Variants in SLC2A3 observed in about 807,000 individuals in gnomAD.
The protein encoded by SLC2A3 is solute carrier family 2, facilitated glucose transporter member 3.
In SLC2A3, 21 loss-of-function variants were observed where a neutral mutation model predicts 46.4. The observed-to-expected ratio is 0.45, with a 90% confidence interval of 0.32 to 0.65. The LOEUF (loss-of-function observed/expected upper bound fraction) is 0.65. SLC2A3 is among the 30% of genes least tolerant of loss of function. The pLI is 0.04. For synonymous variants in SLC2A3, 213 were observed against 239.4 expected (o/e 0.89, Z 1.02); for missense variants, 499 against 623.3 (o/e 0.80, Z 2.12).
Position 7,923,019 on chromosome 12 carries a change from G to A in SLC2A3, c.1074C>T (p.Asn358=), listed in dbSNP as rs751166424. Residue 358 remains asparagine (N), a synonymous_variant, in exon 9 of 10, where the codon AAC becomes AAT. Coordinates refer to ENST00000075120, the MANE Select transcript of SLC2A3 (RefSeq NM_006931.3). ...TACAGACAAAGCTCATCCCATTATA[G>A]TTATCCTGTAAGAGCAAGGAACAGA... ...LMTVSLLLKD[N]YNGMSFVCIG... is the part of the protein sequence containing the mutation. The A allele has an allele frequency of 6.2e-7, 1 of 1,612,902 alleles. No homozygotes were observed. The highest frequency in any genetic ancestry group is 8.5e-7 in the Non-Finnish European group (1 of 1,179,446).
chr12:7,933,630 T>G, intron 2 of SLC2A3, 180 bp downstream of exon 2: 1 of 617,746 alleles, frequency 1.6e-6, no homozygotes. Flanking sequence ...TCACTAACTG[T>G]GTTGCTCAGG....
intron 6 of SLC2A3, 150 bp from the exon 7 acceptor site, chr12:7,926,098 C>G: frequency 1.5e-6 from 1 of 652,076 alleles, no homozygotes; most frequent in Non-Finnish European, 2.7e-6. Context: ...AATGAATTAT[C>G]TTCTGTATCT....
In SLC2A3 at chr12:7,933,128, T is replaced by C; in HGVS notation, c.128A>G (p.Asn43Ser). Residue 43 changes from asparagine to serine, a missense_variant, in exon 3 of 10, where the codon AAT (asparagine) becomes AGT (serine). By Grantham distance (46) the Asn-to-Ser change is conservative. Around this residue, in one of 5 missense-constraint regions of SLC2A3, gnomAD observed 248 missense variants for 284.0 expected, o/e 0.87. Transcript: ENST00000075120. ...APEKIIKEFI[N>S]KTLTDKGNAP... ...ATTTCCCTTGTCCGTCAAAGTTTTA[T>C]TGATAAATTCCTTTATGATCTGCAA... 6.2e-7 allele frequency: 1 copy of C among 1,614,076 alleles called. No individual in the cohort carries two copies. The highest frequency in any genetic ancestry group is 1.3e-5 in the African/African-American group (1 of 75,016).
At position 7,923,122 on chromosome 12, in the gene SLC2A3, G is replaced by A; in HGVS notation, c.1069-98C>T. On this transcript the variant is annotated intron_variant, in intron 8 of 9. Coordinates refer to ENST00000075120, the MANE Select transcript of SLC2A3 (RefSeq NM_006931.3). ...TTAACGGCAAGCTCCTCCTGTCCCT[G>A]ACGTACAATACAAAGAGTGGCTGTG... 4 of 1,131,700 alleles carry A rather than the reference G, an allele frequency of 3.5e-6. No individual in the cohort carries two copies. The South Asian group carries it at 4.8e-5, about 13-fold the overall frequency. 70.1% of individuals were successfully genotyped at this position (1,131,700 alleles called of 1,614,324 possible).
intron 5 of SLC2A3, 106 bp from the exon 6 acceptor site, chr12:7,929,977 T>C (rs1239309053): frequency 1.8e-5 from 28 of 1,517,332 alleles, no homozygotes; most frequent in Non-Finnish European, 2.3e-5. Flanking sequence ...AGGTGATGGG[T>C]AGCATCCATT....
chr12:7,933,104 T>C lies in SLC2A3; in HGVS notation c.152A>G (p.Asn51Ser). 1 of 1,614,060 alleles carries C rather than the reference T, an allele frequency of 6.2e-7. No homozygotes were observed. The highest frequency in any genetic ancestry group is 8.5e-7 in the Non-Finnish European group (1 of 1,179,998). Residue 51 changes from asparagine (N) to serine (S), a missense_variant, in exon 3 of 10, where the codon AAT becomes AGT. This residue lies in a region of SLC2A3 where 248 missense variants were observed against 284.0 expected (regional missense o/e 0.87). Transcript: ENST00000075120. The stretch of plus-strand genomic sequence containing the variant: ...GAGCAGCACCTCAGAGGGTGGGGCA[T>C]TTCCCTTGTCCGTCAAAGTTTTATT... ...FINKTLTDKG[N>S]APPSEVLLTS...
intron 6 of SLC2A3, chr12:7,929,440 G>T: frequency 1.8e-6 from 1 of 551,432 alleles, no homozygotes; most frequent in Non-Finnish European, 3.0e-6. Context: ...AGTTGCCAGT[G>T]TCCTTCCAGG....
chr12:7,935,797 A>G (rs1025411336), intron 1 of SLC2A3, among the ~76,000 whole-genome samples: 1 of 152,116 alleles, frequency 6.6e-6, no homozygotes, highest in Admixed American at 6.5e-5. Context: ...AGAAGCAAAC[A>G]CAACTTCTCC....
intron 6 of SLC2A3, among the ~76,000 whole-genome samples, chr12:7,929,338 C>G (rs1470059409): frequency 2.0e-5 from 3 of 152,080 alleles, no homozygotes; most frequent in Admixed American, 1.3e-4. Flanking sequence ...TTGTGCCGCC[C>G]TCTTTAAACT....
chr12:7,926,640 A>G (rs1269791362), intron 6 of SLC2A3, among the ~76,000 whole-genome samples: 1 of 152,184 alleles, frequency 6.6e-6, no homozygotes, highest in Non-Finnish European at 1.5e-5. Context: ...TGCTGGGATT[A>G]TAGGCATGTG....
intron 9 of SLC2A3, 28 bp from the exon 10 acceptor site, chr12:7,921,659 T>C (rs1270040683): frequency 1.3e-6 from 2 of 1,599,560 alleles, no homozygotes; most frequent in East Asian, 2.3e-5. Context: ...AAAAGGAAGG[T>C]TGATATAAAA....
Position 7,936,122 on chromosome 12 carries a change from TTCTCAG to T in SLC2A3, c.-94_-89del. The T allele has an allele frequency of 1.8e-6, 2 of 1,130,494 alleles. No homozygotes were observed. The highest frequency in any genetic ancestry group is 2.5e-5 in the South Asian group (2 of 81,274). 70.0% of individuals were successfully genotyped at this position (1,130,494 alleles called of 1,614,324 possible). On this transcript the variant is annotated 5_prime_UTR_variant, in exon 1 of 10. It introduces an in-frame stop codon into an upstream open reading frame of the 5' UTR. Transcript: ENST00000075120. Reference sequence around the variant, plus strand: ...AGCCAACAAAACCTTCAAAATGTCCTTCTCAGCAGCAAGTTTTCTCCACGTCCTCAG... The same window carrying T: ...AGCCAACAAAACCTTCAAAATGTCCTCAGCAAGTTTTCTCCACGTCCTCAG...
At chr12:7,929,519 C>T in intron 6 of SLC2A3, 165 bp downstream of exon 6, 1 of 942,266 alleles carries the variant, frequency 1.1e-6, no homozygotes, top group South Asian at 2.0e-5. Flanking sequence ...GGCTGGAATG[C>T]AGTGGCATAA....
chr12:7,928,728 T>C (rs1008217583), intron 6 of SLC2A3, among the ~76,000 whole-genome samples: 2 of 152,092 alleles, frequency 1.3e-5, no homozygotes, highest in African/African-American at 4.8e-5. Context: ...TCTCCAGTAA[T>C]ACGTGTGGCC....
chr12:7,933,199 A>G, intron 2 of SLC2A3, 52 bp from the exon 3 acceptor site: 1 of 1,579,220 alleles, frequency 6.3e-7, no homozygotes, highest in Non-Finnish European at 8.7e-7. Context: ...TTGGATGAGA[A>G]CAAAAGACAA....
intron 6 of SLC2A3, 21 bp from the exon 7 acceptor site, chr12:7,925,969 CA>C (rs1946090974): frequency 1.3e-6 from 2 of 1,589,858 alleles, no homozygotes; most frequent in African/African-American, 2.7e-5. Context: ...AGAAAACATG[CA>C]GCTTTGATGC....
chr12:7,926,826 A>C (rs948239481), intron 6 of SLC2A3, among the ~76,000 whole-genome samples: 1 of 152,172 alleles, frequency 6.6e-6, no homozygotes, highest in African/African-American at 2.4e-5. Context: ...GAAGTGTTTT[A>C]TGAAATAATA....
intron 1 of SLC2A3, among the ~76,000 whole-genome samples, chr12:7,934,547 C>A (rs1946193614): frequency 2.6e-5 from 4 of 152,208 alleles, no homozygotes; most frequent in Middle Eastern, 3.4e-3. Context: ...AGGGCGAACC[C>A]AACATATAAG....
chr12:7,934,351 G>C (rs1350814113), intron 1 of SLC2A3, among the ~76,000 whole-genome samples: 1 of 151,980 alleles, frequency 6.6e-6, no homozygotes, highest in Non-Finnish European at 1.5e-5. Context: ...GGTGGTGGAG[G>C]GGGTGGTAGT....
Sources: allele counts gnomAD v4.1 joint callset (sites outside exome capture counted in the v4.1 genomes callset), GRCh38; gene constraint gnomAD v4.1.1; regional missense constraint gnomAD v4.1.1; transcripts MANE v1.5; gene names NCBI Gene and HGNC (gene_info 2026-07-23, HGNC 2026-07-21).